Variants in NPHP4 observed in about 807,000 individuals in gnomAD.
The protein encoded by NPHP4 is nephrocystin 4.
In NPHP4, 151 loss-of-function variants were observed where a neutral mutation model predicts 155.8. That is an observed-to-expected ratio of 0.97 (90% CI 0.85 to 1.11). The LOEUF (loss-of-function observed/expected upper bound fraction) is 1.11. Among genes scored for constraint, NPHP4 ranks in the 50% least tolerant of loss-of-function variants. NPHP4 has a pLI of 0.00. For synonymous variants in NPHP4, 845 were observed against 816.8 expected (o/e 1.03, Z -0.59); for missense variants, 1,956 against 1,925.7 (o/e 1.02, Z -0.29).
At chr1:5,933,432 G>T in intron 9 of NPHP4, 103 bp from the exon 10 acceptor site, 1 of 897,826 alleles carries the variant, frequency 1.1e-6, no homozygotes, top group Non-Finnish European at 1.8e-6. Context: ...CGAGAGCTCA[G>T]TGTAGCAAGG....
At chr1:5,926,227 C>T (rs1235139385) in intron 11 of NPHP4, among the ~76,000 whole-genome samples, 1 of 152,118 alleles carries the variant, frequency 6.6e-6, no homozygotes, top group Non-Finnish European at 1.5e-5. Flanking sequence ...ACAATTAAAA[C>T]CATCAAATGC....
chr1:5,934,289 C>T (rs1482220298), intron 9 of NPHP4, among the ~76,000 whole-genome samples: 2 of 152,122 alleles, frequency 1.3e-5, no homozygotes, highest in African/African-American at 4.8e-5. Context: ...GCGGGTCCGA[C>T]CAGGAGCCCC....
At chr1:5,909,072 G>A in intron 12 of NPHP4, 80 bp downstream of exon 12, 2 of 1,205,624 alleles carry the variant, frequency 1.7e-6, no homozygotes, top group Non-Finnish European at 2.4e-6. Context: ...GATCCACTGT[G>A]CTTAAGGGGG....
chr1:5,961,734 T>C (rs1233736316), intron 6 of NPHP4, 60 bp downstream of exon 6: 12 of 1,534,260 alleles, frequency 7.8e-6, no homozygotes, highest in Non-Finnish European at 9.8e-6. Context: ...CCTTCAAGGT[T>C]TCACTGTGAA....
At chr1:5,873,726 C>T (rs1436942601) in intron 22 of NPHP4, 3 of 317,202 alleles carry the variant, frequency 9.5e-6, no homozygotes, top group Non-Finnish European at 1.2e-5. Context: ...ACACACTCCA[C>T]ACCCCATGCC....
chr1:5,904,429 G>A (rs1293425491), intron 16 of NPHP4, among the ~76,000 whole-genome samples, 188 bp downstream of exon 16: 30 of 152,222 alleles, frequency 2.0e-4, no homozygotes, highest in Admixed American at 1.8e-3. Context: ...TGGCTTGGGG[G>A]AGGACGCTGG....
At chr1:5,986,121 A>T (rs1290492035) in intron 2 of NPHP4, 34 bp downstream of exon 2, 4 of 1,612,220 alleles carry the variant, frequency 2.5e-6, no homozygotes, top group Non-Finnish European at 2.5e-6. Context: ...GCTAAGAGCA[A>T]TAACACGCAT....
chr1:5,915,352 T>C (rs1312005991), intron 11 of NPHP4, among the ~76,000 whole-genome samples: 1 of 152,094 alleles, frequency 6.6e-6, no homozygotes, highest in Non-Finnish European at 1.5e-5. Flanking sequence ...TTGCAAAAAG[T>C]AGCTTCCTTT....
chr1:5,944,719 G>C lies in NPHP4; in HGVS notation c.1119+2385C>G, dbSNP rs1171380087. On this transcript the variant is annotated intron_variant, in intron 9 of 29. Transcript: ENST00000378156. The surrounding 1 kb of genome is among the most constrained non-coding windows in gnomAD (Gnocchi z 4.3). ...GCGCGGTGGTTCACGTCTGGAACCT[G>C]AGCACTTTGGGAGGCCAAGGAGGGC... Among the ~76,000 whole-genome samples, 1 of 152,134 alleles carries C rather than the reference G, an allele frequency of 6.6e-6. No homozygotes were observed. Among genetic ancestry groups the C allele is most frequent in the African/African-American group, 2.4e-5 (1 of 41,412 alleles).
chr1:5,991,863 G>A (rs11576872), intron 1 of NPHP4, among the ~76,000 whole-genome samples: 3 of 148,342 alleles, frequency 2.0e-5, no homozygotes, highest in African/African-American at 7.4e-5. Context: ...AGGGCGCGGG[G>A]AGCCAAGGCC....
At position 5,964,935 on chromosome 1, in the gene NPHP4, A is replaced by ATTTTTTTT. The variant is rs1476774217; in HGVS notation, c.517+2363_517+2364insAAAAAAAA. ...ATATATATTATATATATATATATAT[A>ATTTTTTTT]TATATATTTTTTTTTTTTGAGGCAG... On this transcript the variant is annotated intron_variant, in intron 5 of 29. Transcript: ENST00000378156. Among the ~76,000 whole-genome samples, 291 of 31,906 alleles carry ATTTTTTTT rather than the reference A, an allele frequency of 9.1e-3. 7 individuals are homozygous for ATTTTTTTT. The highest frequency in any genetic ancestry group is 0.021 in the African/African-American group (106 of 5,092). 20.9% of individuals were successfully genotyped at this position (31,906 alleles called of 152,430 possible).
At chr1:5,972,037 G>A (rs1370572737) in intron 3 of NPHP4, among the ~76,000 whole-genome samples, 1 of 152,260 alleles carries the variant, frequency 6.6e-6, no homozygotes, top group Non-Finnish European at 1.5e-5. Context: ...CCGCAGTGAT[G>A]GAAGTGGAAT....
chr1:5,941,790 T>A (rs1473491511), intron 9 of NPHP4, among the ~76,000 whole-genome samples: 1 of 152,120 alleles, frequency 6.6e-6, no homozygotes, highest in Non-Finnish European at 1.5e-5. Flanking sequence ...AAAACAGGGA[T>A]CCCTGAGTCC....
chr1:5,931,768 TA>T (rs944089936), intron 10 of NPHP4, among the ~76,000 whole-genome samples: 1 of 136,898 alleles, frequency 7.3e-6, no homozygotes, highest in Non-Finnish European at 1.6e-5. Context: ...ACTTTCTTGC[TA>T]AAAAAATGCT....
At chr1:5,878,149 T>A (rs1026553509) in intron 19 of NPHP4, among the ~76,000 whole-genome samples, 2 of 152,118 alleles carry the variant, frequency 1.3e-5, no homozygotes, top group African/African-American at 4.8e-5. Flanking sequence ...AGCAGAAACT[T>A]CCCACAGGAA....
At chr1:5,914,665 C>T (rs1378309927) in intron 11 of NPHP4, among the ~76,000 whole-genome samples, 1 of 152,194 alleles carries the variant, frequency 6.6e-6, no homozygotes, top group African/African-American at 2.4e-5. Flanking sequence ...TTCCAACAAA[C>T]ATTTTATCAG....
At chr1:5,936,535 C>T (rs2101792751) in intron 9 of NPHP4, among the ~76,000 whole-genome samples, 1 of 152,226 alleles carries the variant, frequency 6.6e-6, no homozygotes, top group African/African-American at 2.4e-5. Flanking sequence ...AAAAAAAGCC[C>T]CAAATACACC....
intron 16 of NPHP4, among the ~76,000 whole-genome samples, chr1:5,894,705 T>C (rs1052072876): frequency 1.3e-5 from 2 of 150,390 alleles, no homozygotes; most frequent in Non-Finnish European, 3.0e-5. Context: ...AATAGGAAGA[T>C]AGTAAAGAAT....
intron 19 of NPHP4, chr1:5,879,721 G>A (rs1282920599): frequency 4.6e-6 from 2 of 437,542 alleles, no homozygotes; most frequent in African/African-American, 2.0e-5. Flanking sequence ...GCTGCATATG[G>A]ACAGCACAGT....
Sources: allele counts gnomAD v4.1 joint callset (sites outside exome capture counted in the v4.1 genomes callset), GRCh38; gene constraint gnomAD v4.1.1; non-coding constraint Gnocchi (gnomAD v3.1); transcripts MANE v1.5; gene names NCBI Gene and HGNC (gene_info 2026-07-23, HGNC 2026-07-21).